Variants in TP53BP2 observed in about 807,000 individuals in gnomAD.
TP53BP2 encodes tumor protein p53 binding protein 2.
In TP53BP2, 62 loss-of-function variants were observed where a neutral mutation model predicts 126.2. The observed-to-expected ratio is 0.49, with a 90% CI of 0.40 to 0.61. The LOEUF is 0.61. Among genes scored for constraint, TP53BP2 ranks in the 20% least tolerant of loss-of-function variants. The pLI, the probability that TP53BP2 is intolerant of heterozygous loss-of-function variation, is 0.00. For synonymous variants in TP53BP2, 485 were observed against 502.9 expected (o/e 0.96, Z 0.48); for missense variants, 1,215 against 1,402.8 (o/e 0.87, Z 2.14).
intron 13 of TP53BP2, among the ~76,000 whole-genome samples, chr1:223,794,486 A>T (rs1662252507): frequency 6.6e-6 from 1 of 152,234 alleles, no homozygotes. Flanking sequence ...ATTTTACTTA[A>T]ATCGAGAAGG....
chr1:223,828,542 T>A (rs946094165), intron 1 of TP53BP2, among the ~76,000 whole-genome samples: 5 of 152,242 alleles, frequency 3.3e-5, no homozygotes, highest in Non-Finnish European at 7.3e-5. Flanking sequence ...GAGACTGTTT[T>A]TCTTGGGTCA....
chr1:223,791,918 A>AC (rs1316424966), intron 15 of TP53BP2, among the ~76,000 whole-genome samples: 2 of 152,208 alleles, frequency 1.3e-5, no homozygotes, highest in African/African-American at 4.8e-5. Context: ...CACTTGCAGT[A>AC]CCGCTTGCGT....
chr1:223,822,602 G>A lies in TP53BP2; in HGVS notation c.28-1235C>T, dbSNP rs12129122. On this transcript the variant is annotated intron_variant, in intron 1 of 17. Transcript: ENST00000343537. ...GAAGACTGCTTGAGTCCAGGAGGTC[G>A]CAGCTGTAGTGAGAAGTGACTGCAC... Among the ~76,000 whole-genome samples the A allele has an allele frequency of 3.2e-3, 482 of 151,730 alleles. 4 individuals carry two copies. The highest frequency in any genetic ancestry group is 5.0e-3 in the Non-Finnish European group (339 of 67,954).
At chr1:223,815,331 A>G (rs1663048358) in intron 2 of TP53BP2, among the ~76,000 whole-genome samples, 1 of 152,176 alleles carries the variant, frequency 6.6e-6, no homozygotes, top group Admixed American at 6.5e-5. Context: ...CAGTAACATA[A>G]CATACTGAGT....
At chr1:223,824,388 T>C (rs1451089464) in intron 1 of TP53BP2, among the ~76,000 whole-genome samples, 2 of 152,258 alleles carry the variant, frequency 1.3e-5, no homozygotes, top group Non-Finnish European at 2.9e-5. Flanking sequence ...CGCTTCTACC[T>C]GTAATGTATG....
intron 1 of TP53BP2, among the ~76,000 whole-genome samples, chr1:223,823,992 T>G (rs990141204): frequency 3.9e-5 from 6 of 152,224 alleles, no homozygotes; most frequent in African/African-American, 1.2e-4. Context: ...CTCTGTAAAC[T>G]TCATCTTTCA....
chr1:223,789,209 C>T (rs2102835524), intron 15 of TP53BP2, 35 bp from the exon 16 acceptor site: 1 of 1,608,898 alleles, frequency 6.2e-7, no homozygotes, highest in Middle Eastern at 1.7e-4. Context: ...GAACTGTTTT[C>T]CTAAACTGAA....
chr1:223,803,770 T>C (rs988347876), intron 6 of TP53BP2, among the ~76,000 whole-genome samples: 5 of 152,166 alleles, frequency 3.3e-5, no homozygotes, highest in African/African-American at 1.2e-4. Flanking sequence ...CCACAAACAT[T>C]CTGAATAAAA....
At chr1:223,826,358 G>T (rs1663495182) in intron 1 of TP53BP2, among the ~76,000 whole-genome samples, 1 of 152,182 alleles carries the variant, frequency 6.6e-6, no homozygotes, top group Non-Finnish European at 1.5e-5. Flanking sequence ...GTTGGAGACT[G>T]AAAATTCTGC....
intron 8 of TP53BP2, 137 bp from the exon 9 acceptor site, chr1:223,802,481 C>T: frequency 2.1e-6 from 2 of 941,342 alleles, no homozygotes. Context: ...AAAAAACATT[C>T]CAAAATAAAC....
intron 1 of TP53BP2, among the ~76,000 whole-genome samples, chr1:223,831,398 C>T (rs1284251156): frequency 2.4e-4 from 30 of 125,594 alleles, no homozygotes; most frequent in Non-Finnish European, 3.5e-4. Context: ...ACGCTGTCTC[C>T]CAAAAAAAAA....
chr1:223,836,228 G>A (rs1278959292), intron 1 of TP53BP2, among the ~76,000 whole-genome samples: 6 of 152,244 alleles, frequency 3.9e-5, no homozygotes, highest in Non-Finnish European at 8.8e-5. Flanking sequence ...AAAGTCCGAT[G>A]GAGCGGAGCA....
chr1:223,783,477 CTT>C (rs1277371988), intron 17 of TP53BP2, among the ~76,000 whole-genome samples: 1 of 152,190 alleles, frequency 6.6e-6, no homozygotes, highest in Non-Finnish European at 1.5e-5. Context: ...TTCTCTCACT[CTT>C]TCATACACCC....
intron 1 of TP53BP2, chr1:223,834,900 T>C: frequency 1.0e-6 from 1 of 977,416 alleles, no homozygotes. Flanking sequence ...TCTGTATCCC[T>C]GTCTTATCTG....
intron 5 of TP53BP2, among the ~76,000 whole-genome samples, chr1:223,805,751 G>T (rs934926342): frequency 2.0e-5 from 3 of 152,128 alleles, no homozygotes; most frequent in African/African-American, 7.2e-5. Flanking sequence ...TTAGACCAGG[G>T]GTTGACAAAC....
rs992189739 is a variant in TP53BP2, at chr1:223,831,548, C to T, written c.28-10181G>A. ...CTGTATGAAATACACAGAAAATCAG[C>T]GACACCAGAGGCAAGTATAGCTATC... is the stretch of plus-strand genomic sequence containing the variant. On this transcript the variant is annotated intron_variant, in intron 1 of 17. Transcript: ENST00000343537. 6.6e-5 allele frequency among the ~76,000 whole-genome samples: 8 copies of T among 120,696 alleles called. No individual in the cohort carries two copies. In the South Asian group the frequency reaches 1.1e-3, roughly 17 times the overall value. 79.2% of individuals were successfully genotyped at this position (120,696 alleles called of 152,430 possible).
intron 17 of TP53BP2, among the ~76,000 whole-genome samples, chr1:223,782,156 A>G (rs1386982098): frequency 1.3e-5 from 2 of 152,186 alleles, no homozygotes; most frequent in Admixed American, 6.5e-5. Flanking sequence ...AAAAATGATG[A>G]CCATGTGAGA....
In TP53BP2 at chr1:223,833,847, T is replaced by C. The variant is rs535169934; in HGVS notation, c.27+11807A>G. Among the ~76,000 whole-genome samples the C allele has an allele frequency of 2.0e-5, 3 of 152,296 alleles. No homozygotes were observed. In the East Asian group the frequency reaches 5.8e-4, roughly 29 times the overall value. The stretch of plus-strand genomic sequence containing the variant: ...CAGTGATGAAAAAGCTTGCCTTCTT[T>C]AGGGCAGAGAAGAGAGGCTGGTAGC... On this transcript the variant is annotated intron_variant, in intron 1 of 17. Coordinates refer to ENST00000343537, the MANE Select transcript of TP53BP2 (RefSeq NM_001031685.3).
chr1:223,839,375 T>C (rs1421237051), intron 1 of TP53BP2, among the ~76,000 whole-genome samples: 1 of 152,234 alleles, frequency 6.6e-6, no homozygotes, highest in Non-Finnish European at 1.5e-5. Context: ...GAAAGGGGGC[T>C]CCTCTTCATC....
Sources: gnomAD v4.1 joint callset for allele counts (sites outside exome capture counted in the v4.1 genomes callset) on GRCh38, gnomAD v4.1.1 for gene constraint, MANE v1.5 for transcripts, NCBI Gene and HGNC (gene_info 2026-07-23, HGNC 2026-07-21) for gene names.